Variants in ATXN7L1 observed in about 807,000 individuals in gnomAD.
ATXN7L1 encodes the protein ataxin-7-like protein 1.
In ATXN7L1, 15 loss-of-function variants were observed where a neutral mutation model predicts 70.8. That is an observed-to-expected ratio of 0.21 (90% confidence interval 0.14 to 0.33). The LOEUF (loss-of-function observed/expected upper bound fraction) is 0.33, where lower values mean the gene tolerates loss of function less well. ATXN7L1 is among the 10% of genes least tolerant of loss of function. The pLI is 1.00. For synonymous variants in ATXN7L1, 440 were observed against 445.1 expected (o/e 0.99, Z 0.14); for missense variants, 975 against 1,097.1 (o/e 0.89, Z 1.57).
chr7:105,843,653 G>C (rs1047977463), intron 2 of ATXN7L1, among the ~76,000 whole-genome samples: 2 of 152,206 alleles, frequency 1.3e-5, no homozygotes, highest in Non-Finnish European at 2.9e-5. Flanking sequence ...GTGAGGGGTG[G>C]TTACCCTAGG....
chr7:105,844,669 G>A (rs747882041), intron 2 of ATXN7L1, among the ~76,000 whole-genome samples: 2 of 152,124 alleles, frequency 1.3e-5, no homozygotes, highest in Non-Finnish European at 2.9e-5. Flanking sequence ...TCAGGAATAA[G>A]ACAAGAATGT....
chr7:105,629,445 T>C (rs750388747), intron 7 of ATXN7L1, among the ~76,000 whole-genome samples: 20 of 149,264 alleles, frequency 1.3e-4, no homozygotes, highest in South Asian at 2.1e-4. Context: ...GTCCTTCTTC[T>C]TTTATTGTTA....
chr7:105,773,865 C>T (rs1229262411), intron 3 of ATXN7L1, among the ~76,000 whole-genome samples: 1 of 151,902 alleles, frequency 6.6e-6, no homozygotes, highest in Non-Finnish European at 1.5e-5. Context: ...AAGTGAGGGT[C>T]GGGGAGAAGT....
intron 2 of ATXN7L1, among the ~76,000 whole-genome samples, chr7:105,812,088 C>G (rs1028624622): frequency 1.3e-5 from 2 of 151,156 alleles, no homozygotes; most frequent in Admixed American, 6.7e-5. Context: ...CACCCTGCTC[C>G]CTTCTCAAGC....
intron 3 of ATXN7L1, among the ~76,000 whole-genome samples, chr7:105,703,892 C>G (rs1254288461): frequency 6.6e-6 from 1 of 152,214 alleles, no homozygotes; most frequent in East Asian, 1.9e-4. Flanking sequence ...CCCAAACAAG[C>G]TGAATCAACT....
intron 2 of ATXN7L1, among the ~76,000 whole-genome samples, chr7:105,790,207 G>A (rs752953509): frequency 2.0e-5 from 3 of 152,298 alleles, no homozygotes. Context: ...TTGGGTCAAT[G>A]AAAATGTTCT....
chr7:105,668,513 T>C (rs147612962), intron 3 of ATXN7L1, among the ~76,000 whole-genome samples: 178 of 152,054 alleles, frequency 1.2e-3, no homozygotes, highest in African/African-American at 4.1e-3. Flanking sequence ...CCTGGGAGAA[T>C]CAAGGCTGAA....
At chr7:105,748,279 G>A (rs1798806257) in intron 3 of ATXN7L1, among the ~76,000 whole-genome samples, 2 of 152,186 alleles carry the variant, frequency 1.3e-5, no homozygotes, top group Non-Finnish European at 2.9e-5. Context: ...TTGTGACAAG[G>A]GACAAAGGGC....
chr7:105,657,114 A>T (rs2116014677), intron 4 of ATXN7L1, among the ~76,000 whole-genome samples: 1 of 152,278 alleles, frequency 6.6e-6, no homozygotes, highest in East Asian at 1.9e-4. Flanking sequence ...TTTCTTGGCC[A>T]GTAGGGGGCG....
At chr7:105,731,148 T>C (rs1363378887) in intron 3 of ATXN7L1, among the ~76,000 whole-genome samples, 1 of 152,222 alleles carries the variant, frequency 6.6e-6, no homozygotes, top group African/African-American at 2.4e-5. Context: ...AAAAATGTTG[T>C]GTAAATGTAC....
intron 3 of ATXN7L1, among the ~76,000 whole-genome samples, chr7:105,697,177 AG>A (rs1453542263): frequency 1.3e-5 from 2 of 152,232 alleles, no homozygotes; most frequent in Admixed American, 6.5e-5. Flanking sequence ...ATCAGGAGAC[AG>A]GGTTTTGAGA....
At chr7:105,868,122 G>A (rs149749947) in intron 2 of ATXN7L1, among the ~76,000 whole-genome samples, 2 of 152,312 alleles carry the variant, frequency 1.3e-5, no homozygotes, top group Admixed American at 1.3e-4. Context: ...GTCCTGCCCA[G>A]CTCTACACAT....
At chr7:105,738,977 C>G (rs146101412) in intron 3 of ATXN7L1, among the ~76,000 whole-genome samples, 1 of 152,154 alleles carries the variant, frequency 6.6e-6, no homozygotes, top group African/African-American at 2.4e-5. Flanking sequence ...AATTTGCAAC[C>G]AAGGTCCATC....
chr7:105,846,889 C>A (rs79602321), intron 2 of ATXN7L1, among the ~76,000 whole-genome samples: 2 of 152,200 alleles, frequency 1.3e-5, no homozygotes, highest in South Asian at 2.1e-4. Flanking sequence ...TCCATTTATA[C>A]GAAATGTTCA....
chr7:105,770,795 T>C (rs1354507613), intron 3 of ATXN7L1, among the ~76,000 whole-genome samples: 1 of 152,208 alleles, frequency 6.6e-6, no homozygotes, highest in Non-Finnish European at 1.5e-5. Flanking sequence ...CAAGGAACCA[T>C]GACCTAGAGC....
chr7:105,723,530 CAACAGATCCTGAATGGATCCTTTAAAA>C (rs1795446226), intron 3 of ATXN7L1, among the ~76,000 whole-genome samples: 1 of 152,112 alleles, frequency 6.6e-6, no homozygotes, highest in Non-Finnish European at 1.5e-5. Flanking sequence ...ATGGAAGACT[CAACAGATCCTGAATGGATCCTTTAAAA>C]AACACACTAG....
chr7:105,629,492 A>G (rs2115844034), intron 7 of ATXN7L1, among the ~76,000 whole-genome samples: 1 of 147,846 alleles, frequency 6.8e-6, no homozygotes, highest in South Asian at 2.1e-4. Context: ...TTTTATATAT[A>G]TGTATTATTA....
chr7:105,672,078 G>A (rs1259657744), intron 3 of ATXN7L1, among the ~76,000 whole-genome samples: 1 of 151,970 alleles, frequency 6.6e-6, no homozygotes. Flanking sequence ...ACGAGGTCAG[G>A]AGTTCGAGAC....
At chr7:105,750,941 C>G (rs1563063328) in intron 3 of ATXN7L1, among the ~76,000 whole-genome samples, 1 of 152,222 alleles carries the variant, frequency 6.6e-6, no homozygotes, top group East Asian at 1.9e-4. Context: ...CTCATAGCTC[C>G]TGCAACCCAC....
Sources: allele counts gnomAD v4.1 joint callset (sites outside exome capture counted in the v4.1 genomes callset), GRCh38; gene constraint gnomAD v4.1.1; transcripts MANE v1.5; gene names NCBI Gene and HGNC (gene_info 2026-07-23, HGNC 2026-07-21).